FAM156A: variants seen among roughly 807,000 people sequenced by gnomAD.
FAM156A encodes the protein family with sequence similarity 156 member A, also known as protein FAM156A/FAM156B.
intron 1 of FAM156A, among the ~76,000 whole-genome samples, chrX:52,993,140 C>T (rs974488013): frequency 4.5e-5 from 5 of 111,337 alleles, no homozygotes; most frequent in Non-Finnish European, 9.4e-5. Context: ...CAATGAGTGC[C>T]ACATGTCAAA....
chrX:52,992,663 C>A (rs1462350211), intron 1 of FAM156A, among the ~76,000 whole-genome samples: 1 of 109,188 alleles, frequency 9.2e-6, no homozygotes, highest in Admixed American at 9.8e-5. Context: ...TAATGACAAG[C>A]AATAAGCTGC....
At chrX:52,982,066 G>A (rs1404169302) in intron 1 of FAM156A, among the ~76,000 whole-genome samples, 2 of 111,903 alleles carry the variant, frequency 1.8e-5, no homozygotes, top group African/African-American at 6.5e-5. Flanking sequence ...GGAAGGCCTA[G>A]GAAGGAGGAC....
intron 1 of FAM156A, among the ~76,000 whole-genome samples, chrX:52,977,085 T>C (rs1929532660): frequency 1.0e-5 from 1 of 97,276 alleles, no homozygotes; most frequent in African/African-American, 3.7e-5. Context: ...TATACATATA[T>C]ATACACACAC....
chrX:52,986,236 A>T (rs5991844), intron 1 of FAM156A, among the ~76,000 whole-genome samples: 12,723 of 108,073 alleles, frequency 0.12, 598 homozygotes, highest in Non-Finnish European at 0.14. Flanking sequence ...TAATAAAATT[A>T]AAAAAATAAA....
chrX:52,979,175 G>C (rs1281319639), intron 1 of FAM156A, among the ~76,000 whole-genome samples: 2 of 111,781 alleles, frequency 1.8e-5, no homozygotes, highest in Non-Finnish European at 3.8e-5. Flanking sequence ...GTAAGGGTAG[G>C]GCAGAGGGAC....
In FAM156A at chrX:52,973,960, G is replaced by A. The variant is rs782016129; in HGVS notation, c.-433-9725C>T. ...ATTATAGGCATGAGCCACGGGGCCC[G>A]GCTGATTTTTTAAAAACTTTTAAAG... On this transcript the variant is annotated intron_variant, in intron 1 of 4. Coordinates refer to the FAM156A transcript ENST00000610625. Among the ~76,000 whole-genome samples the A allele has an allele frequency of 4.0e-3, 447 of 110,409 alleles. 2 individuals are homozygous for A. Among genetic ancestry groups the A allele is most frequent in the African/African-American group, 0.014 (428 of 30,352 alleles).
intron 1 of FAM156A, among the ~76,000 whole-genome samples, chrX:52,985,502 GA>G (rs1930206926): frequency 2.0e-5 from 2 of 102,362 alleles, no homozygotes; most frequent in Non-Finnish European, 4.1e-5. Flanking sequence ...ACTAGAAAAA[GA>G]AAATAAAAAT....
At chrX:52,990,838 A>G (rs1259259613) in intron 1 of FAM156A, among the ~76,000 whole-genome samples, 1 of 108,318 alleles carries the variant, frequency 9.2e-6, no homozygotes, top group African/African-American at 3.5e-5. Context: ...AAAGAAAAGA[A>G]AAGAAAAGAA....
intron 1 of FAM156A, among the ~76,000 whole-genome samples, chrX:52,988,648 T>C (rs1210000662): frequency 8.9e-6 from 1 of 112,669 alleles, no homozygotes; most frequent in African/African-American, 3.2e-5. Context: ...AAAACTGTTA[T>C]AATACAGACA....
intron 1 of FAM156A, among the ~76,000 whole-genome samples, chrX:52,987,239 A>G (rs1053469407): frequency 7.1e-5 from 8 of 112,265 alleles, no homozygotes; most frequent in Non-Finnish European, 1.1e-4. Context: ...CAGACTCATT[A>G]TAGGAATGAT....
At chrX:52,975,922 T>C in intron 1 of FAM156A, among the ~76,000 whole-genome samples, 1 of 111,745 alleles carries the variant, frequency 8.9e-6, no homozygotes. Flanking sequence ...TCTTTCAACA[T>C]GTACCCACTG....
chrX:52,980,386 C>A (rs782028558), intron 1 of FAM156A, among the ~76,000 whole-genome samples: 4 of 111,847 alleles, frequency 3.6e-5, no homozygotes, highest in African/African-American at 1.3e-4. Context: ...GTAGTGTGAT[C>A]TCTCATTAGT....
chrX:52,988,208 T>C (rs1231459639), intron 1 of FAM156A, among the ~76,000 whole-genome samples: 1 of 103,509 alleles, frequency 9.7e-6, no homozygotes, highest in Non-Finnish European at 2.0e-5. Flanking sequence ...ATCACGCCAC[T>C]GCACTCCAGC....
chrX:52,990,042 A>G (rs1458626885), intron 1 of FAM156A, among the ~76,000 whole-genome samples: 1 of 111,522 alleles, frequency 9.0e-6, no homozygotes, highest in Non-Finnish European at 1.9e-5. Context: ...GATGACCCCA[A>G]CAGCACTAAA....
chrX:52,979,801 C>T (rs1273123477), intron 1 of FAM156A, among the ~76,000 whole-genome samples: 3 of 112,215 alleles, frequency 2.7e-5, no homozygotes, highest in South Asian at 3.7e-4. Context: ...ACAAGGTTCC[C>T]GCAACCCCTC....
chrX:52,975,121 G>T (rs1196903292), intron 1 of FAM156A, among the ~76,000 whole-genome samples: 1 of 108,788 alleles, frequency 9.2e-6, no homozygotes, highest in Non-Finnish European at 1.9e-5. Flanking sequence ...TCAGATCAGT[G>T]GGCAGCTTCT....
intron 1 of FAM156A, among the ~76,000 whole-genome samples, chrX:52,978,510 G>T (rs893085498): frequency 7.1e-5 from 8 of 112,060 alleles, no homozygotes; most frequent in African/African-American, 2.6e-4. Flanking sequence ...ACTTTCTCAG[G>T]GTCACCCAGC....
At chrX:52,976,869 C>T (rs1929507713) in intron 1 of FAM156A, among the ~76,000 whole-genome samples, 1 of 109,945 alleles carries the variant, frequency 9.1e-6, no homozygotes, top group African/African-American at 3.3e-5. Flanking sequence ...TAATAACAGT[C>T]ACTTAGTGTG....
chrX:52,982,833 C>T (rs1930004399), intron 1 of FAM156A, among the ~76,000 whole-genome samples: 1 of 113,112 alleles, frequency 8.8e-6, no homozygotes, highest in Non-Finnish European at 1.9e-5. Context: ...TTGTCTCTAT[C>T]ATTTATTTCA....
Sources: allele counts gnomAD v4.1 joint callset (sites outside exome capture counted in the v4.1 genomes callset), GRCh38; gene constraint gnomAD v4.1.1; transcripts MANE v1.5; gene names NCBI Gene and HGNC (gene_info 2026-07-23, HGNC 2026-07-21).